The following TMEM135 variants were observed in gnomAD, a reference collection of about 807,000 sequenced individuals.
TMEM135 encodes peroxisomal membrane protein 52.
A neutral mutation model predicts 60.3 loss-of-function variants in TMEM135; 30 were observed. That is an observed-to-expected ratio of 0.50 (90% CI 0.37 to 0.68). TMEM135 has a LOEUF of 0.68. Ranked by LOEUF, TMEM135 falls within the 30% of genes least tolerant of loss-of-function variation. The probability of loss-of-function intolerance (pLI) is 0.00; values close to 1 mark genes in which losing one functional copy is unlikely to be tolerated. For synonymous variants in TMEM135, 190 were observed against 186.7 expected, an observed-to-expected ratio of 1.02 and a Z score of -0.14; for missense variants, 468 against 548.8, an observed-to-expected ratio of 0.85 and a Z score of 1.47.
At chr11:87,275,650 A>T (rs1193916595) in intron 6 of TMEM135, among the ~76,000 whole-genome samples, 2 of 151,928 alleles carry the variant, frequency 1.3e-5, no homozygotes, top group African/African-American at 2.4e-5. Flanking sequence ...GGATTTTATT[A>T]TTTATTATTT....
intron 4 of TMEM135, among the ~76,000 whole-genome samples, chr11:87,156,505 T>A (rs1282334642): frequency 6.6e-6 from 1 of 152,178 alleles, no homozygotes; most frequent in Non-Finnish European, 1.5e-5. Context: ...GATGTCTTTT[T>A]ATTTATTTGT....
intron 3 of TMEM135, among the ~76,000 whole-genome samples, chr11:87,085,018 G>A (rs375778015): frequency 1.1e-4 from 16 of 152,206 alleles, no homozygotes; most frequent in Admixed American, 7.2e-4. Context: ...TGGCCTATTT[G>A]TCTTCAGATT....
intron 7 of TMEM135, among the ~76,000 whole-genome samples, chr11:87,298,068 T>C (rs1490672695): frequency 1.3e-5 from 2 of 152,224 alleles, no homozygotes; most frequent in Non-Finnish European, 2.9e-5. Context: ...TTTCAAAAAG[T>C]ATTATCTGAC....
chr11:87,248,133 C>G (rs1178599351), intron 6 of TMEM135, among the ~76,000 whole-genome samples: 4 of 151,944 alleles, frequency 2.6e-5, no homozygotes, highest in Non-Finnish European at 4.4e-5. Flanking sequence ...CAAATCTTGG[C>G]TGTTGTGAAT....
chr11:87,111,782 A>G (rs79594051), intron 4 of TMEM135, among the ~76,000 whole-genome samples: 1,581 of 152,086 alleles, frequency 0.01, 90 homozygotes, highest in East Asian at 0.092. Flanking sequence ...GCTCCCATAC[A>G]TTTTTCCATT....
chr11:87,304,718 G>A (rs1309662183), intron 8 of TMEM135, among the ~76,000 whole-genome samples: 2 of 152,224 alleles, frequency 1.3e-5, no homozygotes, highest in Non-Finnish European at 2.9e-5. Context: ...GATTGGAGAA[G>A]TGCAGAGCCA....
intron 6 of TMEM135, among the ~76,000 whole-genome samples, chr11:87,260,084 A>C (rs1016454703): frequency 2.0e-5 from 3 of 152,184 alleles, no homozygotes; most frequent in Non-Finnish European, 4.4e-5. Flanking sequence ...TGATCACTGA[A>C]ATGGATTATG....
intron 6 of TMEM135, among the ~76,000 whole-genome samples, chr11:87,278,522 C>T (rs757088272): frequency 2.0e-5 from 3 of 151,886 alleles, no homozygotes; most frequent in Admixed American, 6.6e-5. Context: ...CCTGCCACCA[C>T]GCCCAGATAA....
intron 4 of TMEM135, among the ~76,000 whole-genome samples, chr11:87,097,054 C>A (rs560520276): frequency 6.6e-6 from 1 of 150,644 alleles, no homozygotes; most frequent in East Asian, 2.0e-4. Flanking sequence ...TGGAGTGCGG[C>A]GGCATGATCT....
intron 4 of TMEM135, among the ~76,000 whole-genome samples, chr11:87,126,304 A>G (rs1044237631): frequency 2.0e-5 from 3 of 152,172 alleles, no homozygotes; most frequent in Non-Finnish European, 4.4e-5. Context: ...AGTTCATACT[A>G]TTATGCCTGT....
chr11:87,201,063 A>G (rs1940083896), intron 5 of TMEM135, among the ~76,000 whole-genome samples: 1 of 151,940 alleles, frequency 6.6e-6, no homozygotes, highest in South Asian at 2.1e-4. Context: ...ACTCTTTTTT[A>G]TTTTTTAATC....
Position 87,085,289 on chromosome 11 carries a change from G to A in TMEM135, c.363-6073G>A, listed in dbSNP as rs192401693. On this transcript the variant is annotated intron_variant, in intron 3 of 14. Coordinates refer to ENST00000305494, the MANE Select transcript of TMEM135 (RefSeq NM_022918.4). ...GAATTCAGCAAAAGCTGTTAAGGAG[G>A]TGATTTGGGGAAAGATAAATTGAAA... 1.2e-4 allele frequency among the ~76,000 whole-genome samples: 19 copies of A among 152,294 alleles called. No homozygotes were observed. The East Asian group carries it at 3.1e-3, about 25-fold the overall frequency.
At chr11:87,063,366 T>G (rs1485015848) in intron 1 of TMEM135, among the ~76,000 whole-genome samples, 1 of 152,212 alleles carries the variant, frequency 6.6e-6, no homozygotes, top group Admixed American at 6.5e-5. Flanking sequence ...CATAAGAAAT[T>G]AATGAATGTG....
At chr11:87,079,630 G>A (rs1856944173) in intron 3 of TMEM135, among the ~76,000 whole-genome samples, 1 of 150,982 alleles carries the variant, frequency 6.6e-6, no homozygotes, top group Non-Finnish European at 1.5e-5. Flanking sequence ...TCTTGTATCT[G>A]CTCTTAGCGG....
At chr11:87,055,427 T>C (rs1693241252) in intron 1 of TMEM135, among the ~76,000 whole-genome samples, 1 of 152,210 alleles carries the variant, frequency 6.6e-6, no homozygotes, top group Non-Finnish European at 1.5e-5. Flanking sequence ...GCTCTGAAAC[T>C]GAAACTTCCT....
Position 87,166,291 on chromosome 11 carries a change from C to T in TMEM135, c.462+8885C>T, listed in dbSNP as rs555530814. ...TCTGATGATAGTTTATTTTGCTGTG[C>T]AGAAACTCTTTAGTTTAATTTGATG... On this transcript the variant is annotated intron_variant, in intron 5 of 14. Coordinates refer to ENST00000305494, the MANE Select transcript of TMEM135 (RefSeq NM_022918.4). Among the ~76,000 whole-genome samples the T allele has an allele frequency of 2.6e-5, 4 of 151,776 alleles. No homozygotes were observed. The South Asian group carries it at 8.3e-4, about 31-fold the overall frequency.
chr11:87,313,149 G>C (rs894667159), intron 10 of TMEM135, among the ~76,000 whole-genome samples: 1 of 151,780 alleles, frequency 6.6e-6, no homozygotes, highest in Non-Finnish European at 1.5e-5. Context: ...CCCAGCATTC[G>C]ATAGCTAGGC....
At chr11:87,175,187 A>G (rs932050823) in intron 5 of TMEM135, among the ~76,000 whole-genome samples, 1 of 152,296 alleles carries the variant, frequency 6.6e-6, no homozygotes, top group Non-Finnish European at 1.5e-5. Context: ...AATCAAAACA[A>G]CATATTATAT....
chr11:87,089,354 C>T (rs57098581), intron 3 of TMEM135, among the ~76,000 whole-genome samples: 8,574 of 151,980 alleles, frequency 0.056, 793 homozygotes, highest in African/African-American at 0.19. Context: ...GACAGCATAG[C>T]GAGACTGTGT....
Sources: allele counts gnomAD v4.1 joint callset (sites outside exome capture counted in the v4.1 genomes callset), GRCh38; gene constraint gnomAD v4.1.1; transcripts MANE v1.5; gene names NCBI Gene and HGNC (gene_info 2026-07-23, HGNC 2026-07-21).